The following ADAM10 variants were observed in gnomAD, a reference collection of about 807,000 sequenced individuals.
The protein encoded by ADAM10 is disintegrin and metalloproteinase domain-containing protein 10.
A neutral mutation model predicts 90.1 loss-of-function variants in ADAM10; 17 were observed. That is an observed-to-expected ratio of 0.19 (90% CI 0.13 to 0.28). The LOEUF (loss-of-function observed/expected upper bound fraction) is 0.28. ADAM10 is among the 10% of genes least tolerant of loss of function. ADAM10 has a pLI of 1.00. For missense variants in ADAM10, 610 were observed against 914.3 expected, an observed-to-expected ratio of 0.67 and a Z score of 4.29; for synonymous variants, 310 against 298.6, an observed-to-expected ratio of 1.04 and a Z score of -0.40.
At chr15:58,690,375 G>A (rs1375377981) in intron 2 of ADAM10, among the ~76,000 whole-genome samples, 2 of 152,168 alleles carry the variant, frequency 1.3e-5, no homozygotes, top group African/African-American at 4.8e-5. Context: ...GTAACATTAA[G>A]TATGATGTTA....
rs983305882 is a variant in ADAM10 at position 58,693,128 on chromosome 15, G to C, written c.207-10814C>G. 6 of 738,162 alleles carry C rather than the reference G, an allele frequency of 8.1e-6. No homozygotes were observed. The African/African-American group carries it at 1.0e-4, about 13-fold the overall frequency. The allele number at this position is 738,162 out of a possible 1,614,324, so 45.7% of individuals were successfully genotyped here. A position where few individuals can be genotyped will look rare whatever the true frequency, so the allele number is the denominator to read the frequency against. On this transcript the variant is annotated intron_variant, in intron 2 of 15. Transcript: ENST00000260408. ...AAGGTATTGATTATGAGAGACATGA[G>C]TTGGGCAATTTCTGCCTAAAAGGCA...
intron 5 of ADAM10, among the ~76,000 whole-genome samples, chr15:58,653,101 T>C (rs1896727839): frequency 6.6e-6 from 1 of 152,212 alleles, no homozygotes; most frequent in Non-Finnish European, 1.5e-5. Context: ...GTTTATCAGT[T>C]CTAATAGTTT....
intron 2 of ADAM10, among the ~76,000 whole-genome samples, chr15:58,702,734 A>T (rs1363347181): frequency 6.6e-6 from 1 of 152,260 alleles, no homozygotes; most frequent in East Asian, 1.9e-4. Context: ...AGTGCAGATA[A>T]TTTAAAAATC....
chr15:58,644,202 T>C (rs1329276213), intron 6 of ADAM10, among the ~76,000 whole-genome samples: 3 of 151,564 alleles, frequency 2.0e-5, no homozygotes, highest in Admixed American at 6.6e-5. Context: ...TAAACATGCA[T>C]ACTTCTTTGC....
rs200717080 is a variant in ADAM10, at chr15:58,601,190, CGGTGGCTCCCA to C, written c.2026-1477_2026-1467del. ...CCTTTTAAAAACCTGAGGCCGGGCACGGTGGCTCCCAGGTGGCTCCCAGCACTTTGGGAGGC... is the reference window on the plus strand; with the variant it reads ...CCTTTTAAAAACCTGAGGCCGGGCACGGTGGCTCCCAGCACTTTGGGAGGC... On this transcript the variant is annotated intron_variant, in intron 14 of 15. Transcript: ENST00000260408. 9.9e-3 allele frequency among the ~76,000 whole-genome samples: 1,513 copies of C among 152,176 alleles called. 22 individuals are homozygous for C. The highest frequency in any genetic ancestry group is 0.033 in the African/African-American group (1,369 of 41,508).
intron 5 of ADAM10, among the ~76,000 whole-genome samples, chr15:58,652,095 T>C (rs1197108763): frequency 2.6e-5 from 4 of 152,164 alleles, no homozygotes; most frequent in African/African-American, 4.8e-5. Context: ...TTAATCAGAT[T>C]AGATTTTTTT....
chr15:58,710,108 T>A (rs1198591028), intron 2 of ADAM10, among the ~76,000 whole-genome samples: 1 of 151,944 alleles, frequency 6.6e-6, no homozygotes, highest in Non-Finnish European at 1.5e-5. Flanking sequence ...TGAAACCCCA[T>A]CTCTACTAAA....
Position 58,593,775 on chromosome 15 carries a change from T to C in ADAM10, c.*3772A>G, listed in dbSNP as rs1470158646. The C allele has an allele frequency of 1.3e-5, 2 of 152,338 alleles. No individual in the cohort carries two copies. The highest frequency in any genetic ancestry group is 2.9e-5 in the Non-Finnish European group (2 of 68,028). The allele number at this position is 152,338 out of a possible 1,614,324, so 9.4% of individuals were successfully genotyped here. ...ATCCTGTTGCTTTTTATAGAAGAGA[T>C]GCTCTGAAGAACTTACCAATTATAA... On this transcript the variant is annotated 3_prime_UTR_variant, in exon 16 of 16. Coordinates refer to ENST00000260408, the MANE Select transcript of ADAM10 (RefSeq NM_001110.4).
At chr15:58,724,905 C>T (rs1353601494) in intron 1 of ADAM10, among the ~76,000 whole-genome samples, 6 of 152,190 alleles carry the variant, frequency 3.9e-5, no homozygotes, top group African/African-American at 1.2e-4. Context: ...AAATTAGCCA[C>T]AGAGCCTGGG....
intron 11 of ADAM10, among the ~76,000 whole-genome samples, chr15:58,615,297 ACCAG>A (rs1595992655): frequency 7.0e-6 from 1 of 143,550 alleles, no homozygotes; most frequent in Admixed American, 6.9e-5. Flanking sequence ...AAAAAAAAAA[ACCAG>A]AAAATAATTA....
chr15:58,605,951 AT>A (rs1461631639), intron 14 of ADAM10, among the ~76,000 whole-genome samples: 8 of 152,224 alleles, frequency 5.3e-5, no homozygotes. Context: ...CAAAGCAAGT[AT>A]CATCTAAAAA....
intron 4 of ADAM10, among the ~76,000 whole-genome samples, chr15:58,666,606 A>G (rs536576562): frequency 6.6e-6 from 1 of 152,020 alleles, no homozygotes; most frequent in Non-Finnish European, 1.5e-5. Flanking sequence ...CTGTTCTGTG[A>G]CCTTTAAAAT....
At chr15:58,677,558 A>G (rs1897325127) in intron 4 of ADAM10, among the ~76,000 whole-genome samples, 1 of 152,224 alleles carries the variant, frequency 6.6e-6, no homozygotes, top group South Asian at 2.1e-4. Context: ...TAAACTACAC[A>G]CAAGTAGATA....
At chr15:58,709,131 A>G (rs947002872) in intron 2 of ADAM10, among the ~76,000 whole-genome samples, 2 of 152,214 alleles carry the variant, frequency 1.3e-5, no homozygotes, top group Admixed American at 1.3e-4. Context: ...ATTTTCAGGT[A>G]TAATGAAATA....
intron 1 of ADAM10, among the ~76,000 whole-genome samples, chr15:58,745,871 C>T (rs1165461137): frequency 6.6e-6 from 1 of 152,142 alleles, no homozygotes; most frequent in Non-Finnish European, 1.5e-5. Context: ...AGGAATACAG[C>T]CCACTAGTAT....
intron 11 of ADAM10, among the ~76,000 whole-genome samples, chr15:58,612,466 A>C (rs191379296): frequency 6.6e-6 from 1 of 152,256 alleles, no homozygotes; most frequent in African/African-American, 2.4e-5. Flanking sequence ...TGAGCTGCTG[A>C]GACACCCTTC....
chr15:58,685,545 A>AATAT (rs56776777), intron 2 of ADAM10, among the ~76,000 whole-genome samples: 5,559 of 115,528 alleles, frequency 0.048, 239 homozygotes, highest in Non-Finnish European at 0.072. Context: ...TATGAAGGAG[A>AATAT]ATATATATAT....
intron 2 of ADAM10, among the ~76,000 whole-genome samples, chr15:58,700,861 A>C (rs1373628325): frequency 6.6e-6 from 1 of 151,828 alleles, no homozygotes; most frequent in Non-Finnish European, 1.5e-5. Flanking sequence ...AAAAAATGTA[A>C]AAAAAACAGC....
chr15:58,675,310 AT>A (rs1175048586), intron 4 of ADAM10, among the ~76,000 whole-genome samples: 10 of 152,222 alleles, frequency 6.6e-5, no homozygotes, highest in Non-Finnish European at 1.3e-4. Context: ...ATTAAAATAT[AT>A]TTTTTAATTT....
Sources: allele counts gnomAD v4.1 joint callset (sites outside exome capture counted in the v4.1 genomes callset), GRCh38; gene constraint gnomAD v4.1.1; transcripts MANE v1.5; gene names NCBI Gene and HGNC (gene_info 2026-07-23, HGNC 2026-07-21).